The following AKAP19 variants were observed in gnomAD, a reference collection of about 807,000 sequenced individuals.
AKAP19 encodes small A-kinase anchoring protein.
the AKAP19 span, among the ~76,000 whole-genome samples, chr2:189,910,135 A>G: frequency 6.6e-6 from 1 of 151,066 alleles, no homozygotes; most frequent in Non-Finnish European, 1.5e-5. Context: ...TGAAATTACT[A>G]AATAAACAAA....
chr2:190,054,124 A>G, the AKAP19 span, among the ~76,000 whole-genome samples: 2 of 152,160 alleles, frequency 1.3e-5, no homozygotes, highest in Non-Finnish European at 2.9e-5. Context: ...CTGTGGCTTC[A>G]GTAGAACTTG....
At chr2:189,898,900 C>T in the AKAP19 span, among the ~76,000 whole-genome samples, 1 of 152,240 alleles carries the variant, frequency 6.6e-6, no homozygotes, top group Admixed American at 6.5e-5. Context: ...TATAGTCAAC[C>T]TTCTTAGTAT....
the AKAP19 span, among the ~76,000 whole-genome samples, chr2:189,959,047 A>C: frequency 6.6e-6 from 1 of 152,108 alleles, no homozygotes; most frequent in Non-Finnish European, 1.5e-5. Flanking sequence ...GAAGGGGTAC[A>C]CAGGACTTCA....
the AKAP19 span, among the ~76,000 whole-genome samples, chr2:190,069,935 G>A: frequency 6.6e-6 from 1 of 152,138 alleles, no homozygotes; most frequent in African/African-American, 2.4e-5. Context: ...GAGGTTATAT[G>A]ATTTAAATTA....
chr2:190,009,364 T>A, the AKAP19 span, among the ~76,000 whole-genome samples: 1 of 152,126 alleles, frequency 6.6e-6, no homozygotes. Context: ...TGAAGCCACA[T>A]AAGAGGAAAT....
chr2:189,961,560 G>T, the AKAP19 span, among the ~76,000 whole-genome samples: 2 of 151,902 alleles, frequency 1.3e-5, no homozygotes, highest in Admixed American at 6.6e-5. Context: ...CAAAATTATG[G>T]TTTAATTTAC....
chr2:189,945,859 A>G, the AKAP19 span, among the ~76,000 whole-genome samples: 3,697 of 152,254 alleles, frequency 0.024, 135 homozygotes, highest in East Asian at 0.15. Context: ...TTAAGTAGTC[A>G]TTGCTCTACA....
the AKAP19 span, chr2:190,057,765 G>T: frequency 4.3e-5 from 41 of 956,260 alleles, no homozygotes; most frequent in Middle Eastern, 3.1e-4. Context: ...ATTTTTAAAA[G>T]GCACAGCATT....
chr2:189,921,123 G>A, the AKAP19 span, among the ~76,000 whole-genome samples: 15 of 152,204 alleles, frequency 9.9e-5, no homozygotes, highest in East Asian at 1.9e-3. Context: ...TCAATTTGCC[G>A]TGTTTGCCTG....
At chr2:190,060,106 G>T in the AKAP19 span, 2 of 1,612,668 alleles carry the variant, frequency 1.2e-6, no homozygotes, top group South Asian at 2.2e-5. Flanking sequence ...GCAAGATCAT[G>T]ACCATTCTCA....
At chr2:189,887,448 G>T in the AKAP19 span, among the ~76,000 whole-genome samples, 1 of 152,176 alleles carries the variant, frequency 6.6e-6, no homozygotes, top group Non-Finnish European at 1.5e-5. Flanking sequence ...ACATGTGCAT[G>T]TGTCTTTATA....
the AKAP19 span, among the ~76,000 whole-genome samples, chr2:189,896,179 CAT>C: frequency 5.9e-5 from 9 of 151,986 alleles, no homozygotes; most frequent in Admixed American, 1.3e-4. Flanking sequence ...TAAATTCAAT[CAT>C]AGTAAAATTT....
chr2:189,880,619 T>C, the AKAP19 span, among the ~76,000 whole-genome samples: 2 of 152,242 alleles, frequency 1.3e-5, no homozygotes, highest in African/African-American at 4.8e-5. Context: ...CTGTGAGATG[T>C]TTAACCTTTT....
At chr2:190,053,537 T>C in the AKAP19 span, among the ~76,000 whole-genome samples, 1 of 152,142 alleles carries the variant, frequency 6.6e-6, no homozygotes. Context: ...TACTCAGGAA[T>C]GACCAAAATA....
At chr2:190,099,659 A>G in the AKAP19 span, among the ~76,000 whole-genome samples, 4 of 152,188 alleles carry the variant, frequency 2.6e-5, no homozygotes, top group African/African-American at 7.2e-5. Flanking sequence ...GTTGCCACAA[A>G]CTCAATTTGT....
chr2:190,088,370 GC>G, the AKAP19 span, among the ~76,000 whole-genome samples: 2 of 152,138 alleles, frequency 1.3e-5, no homozygotes, highest in Non-Finnish European at 1.5e-5. Flanking sequence ...TCAGAGTCAG[GC>G]CTTCCAGAAA....
chr2:189,935,297 C>G, the AKAP19 span, among the ~76,000 whole-genome samples: 2 of 144,494 alleles, frequency 1.4e-5, no homozygotes, highest in Admixed American at 1.4e-4. Context: ...AGAACTAGCA[C>G]GTGTGCAAAA....
the AKAP19 span, among the ~76,000 whole-genome samples, chr2:189,939,449 G>A: frequency 1.3e-5 from 2 of 152,082 alleles, no homozygotes; most frequent in Non-Finnish European, 2.9e-5. Flanking sequence ...GAATCTCTAA[G>A]TAAAGGTATC....
chr2:189,934,719 T>A, the AKAP19 span, among the ~76,000 whole-genome samples: 1 of 151,464 alleles, frequency 6.6e-6, no homozygotes, highest in African/African-American at 2.4e-5. Context: ...ATCTTGTTTT[T>A]AAATAATATA....
Sources: allele counts gnomAD v4.1 joint callset (sites outside exome capture counted in the v4.1 genomes callset), GRCh38; gene constraint gnomAD v4.1.1; transcripts MANE v1.5; gene names NCBI Gene and HGNC (gene_info 2026-07-23, HGNC 2026-07-21).